NALF1: variants seen among roughly 807,000 people sequenced by gnomAD.
NALF1 encodes NALCN channel auxiliary factor 1.
In NALF1, 3 loss-of-function variants were observed where a neutral mutation model predicts 48.4. The ratio of observed to expected loss-of-function variants is 0.06; its 90% CI spans 0.03 to 0.16. The LOEUF (loss-of-function observed/expected upper bound fraction) is 0.16. Among genes scored for constraint, NALF1 ranks in the 10% least tolerant of loss-of-function variants. The probability of loss-of-function intolerance (pLI) is 1.00; values close to 1 mark genes in which losing one functional copy is unlikely to be tolerated. For missense variants in NALF1, 526 were observed against 571.5 expected (o/e 0.92, Z 0.81); for synonymous variants, 262 against 245.7 (o/e 1.07, Z -0.62).
intron 1 of NALF1, among the ~76,000 whole-genome samples, chr13:107,817,295 C>T (rs1566493647): frequency 6.6e-6 from 1 of 152,158 alleles, no homozygotes. Flanking sequence ...CAAAATCACA[C>T]ATTTTGAGTA....
chr13:107,433,376 C>T (rs893538479), intron 1 of NALF1, among the ~76,000 whole-genome samples: 2 of 152,110 alleles, frequency 1.3e-5, no homozygotes, highest in African/African-American at 4.8e-5. Flanking sequence ...GTTTAAGCTG[C>T]ATCTTCTTAA....
chr13:107,702,427 T>C (rs1040144417), intron 1 of NALF1, among the ~76,000 whole-genome samples: 1 of 152,218 alleles, frequency 6.6e-6, no homozygotes, highest in Admixed American at 6.5e-5. Flanking sequence ...TGTATTTAAA[T>C]TTATATTTAC....
At chr13:107,567,562 G>A (rs1179757917) in intron 1 of NALF1, among the ~76,000 whole-genome samples, 2 of 152,092 alleles carry the variant, frequency 1.3e-5, no homozygotes, top group Non-Finnish European at 2.9e-5. Flanking sequence ...TACAACTAAG[G>A]TAAAATTCAA....
intron 1 of NALF1, among the ~76,000 whole-genome samples, chr13:107,470,242 C>T (rs1885078301): frequency 1.3e-5 from 2 of 152,140 alleles, no homozygotes; most frequent in Admixed American, 1.3e-4. Context: ...TTTAAATTTA[C>T]TTCCTTCCTT....
chr13:107,573,741 A>G (rs1878055652), intron 1 of NALF1, among the ~76,000 whole-genome samples: 1 of 152,096 alleles, frequency 6.6e-6, no homozygotes, highest in Admixed American at 6.5e-5. Flanking sequence ...CTATGCTGTA[A>G]TCATGATAGT....
At chr13:107,274,997 T>C (rs1881251045) in intron 1 of NALF1, among the ~76,000 whole-genome samples, 1 of 152,182 alleles carries the variant, frequency 6.6e-6, no homozygotes, top group African/African-American at 2.4e-5. Context: ...TGAAAGATGT[T>C]GCTCTCCTGC....
At chr13:107,592,382 T>C (rs2138418274) in intron 1 of NALF1, among the ~76,000 whole-genome samples, 1 of 151,982 alleles carries the variant, frequency 6.6e-6, no homozygotes, top group South Asian at 2.1e-4. Flanking sequence ...AGAGGAAGAA[T>C]TCATTTAAAA....
At chr13:107,223,835 T>A (rs1014730043) in intron 1 of NALF1, among the ~76,000 whole-genome samples, 2 of 152,152 alleles carry the variant, frequency 1.3e-5, no homozygotes, top group African/African-American at 4.8e-5. Context: ...TTTGAACCCA[T>A]CCCTGCAAAT....
chr13:107,673,265 T>C (rs549901841), intron 1 of NALF1, among the ~76,000 whole-genome samples: 1 of 152,154 alleles, frequency 6.6e-6, no homozygotes, highest in South Asian at 2.1e-4. Context: ...TCAGGGGAAA[T>C]GCTTTAATGA....
rs988797784 is a variant in NALF1, at chr13:107,657,165, T to C, written c.915+208517A>G. Among the ~76,000 whole-genome samples, 8 of 136,364 alleles carry C rather than the reference T, an allele frequency of 5.9e-5. No homozygotes were observed. In the East Asian group the frequency reaches 1.5e-3, roughly 25 times the overall value. The allele number at this position is 136,364 out of a possible 152,430, so 89.5% of individuals were successfully genotyped here. ...ACAATACCTGTTCGCCAAAAACCTATTGAAATAAAAAAAAAATTAAACAAA... is the reference window on the plus strand; with the variant it reads ...ACAATACCTGTTCGCCAAAAACCTACTGAAATAAAAAAAAAATTAAACAAA... On this transcript the variant is annotated intron_variant, in intron 1 of 2. Transcript: ENST00000375915.
intron 1 of NALF1, among the ~76,000 whole-genome samples, chr13:107,692,593 A>G (rs1457833962): frequency 6.6e-6 from 1 of 152,238 alleles, no homozygotes; most frequent in Admixed American, 6.5e-5. Context: ...AGAAACCCAG[A>G]CTATGTGATT....
intron 1 of NALF1, among the ~76,000 whole-genome samples, chr13:107,614,605 T>C (rs1481295493): frequency 1.3e-5 from 2 of 152,194 alleles, no homozygotes; most frequent in Admixed American, 6.5e-5. Flanking sequence ...GTTTAAATTT[T>C]CATTAAGTAA....
chr13:107,803,167 T>C (rs982043457), intron 1 of NALF1, among the ~76,000 whole-genome samples: 3 of 152,150 alleles, frequency 2.0e-5, no homozygotes, highest in Non-Finnish European at 2.9e-5. Flanking sequence ...CTGCCCTCTC[T>C]GAAGGAAGGT....
intron 1 of NALF1, among the ~76,000 whole-genome samples, chr13:107,226,069 A>C (rs573745715): frequency 2.3e-4 from 35 of 152,216 alleles, no homozygotes; most frequent in African/African-American, 8.2e-4. Context: ...CCCTGCATAA[A>C]GGTCGTTTTC....
chr13:107,413,970 A>T (rs34096913), intron 1 of NALF1, among the ~76,000 whole-genome samples: 30,940 of 151,792 alleles, frequency 0.2, 3,561 homozygotes, highest in Middle Eastern at 0.27. Context: ...TATTTTTAGT[A>T]GCGACAGGGT....
rs74891670 is a variant in NALF1, at chr13:107,710,966, C to G, written c.915+154716G>C. Among the ~76,000 whole-genome samples the G allele has an allele frequency of 1.7e-3, 252 of 151,782 alleles. 6 individuals carry two copies. The East Asian group carries it at 0.044, about 26-fold the overall frequency. On this transcript the variant is annotated intron_variant, in intron 1 of 2. Coordinates refer to ENST00000375915, the MANE Select transcript of NALF1 (RefSeq NM_001080396.3). ...ACATACATTCCTAGTAGTTATGTAT[C>G]GATGAGTCTTATTTGCTTGGGAATG...
At chr13:107,272,028 A>G (rs921383367) in intron 1 of NALF1, among the ~76,000 whole-genome samples, 1 of 151,546 alleles carries the variant, frequency 6.6e-6, no homozygotes, top group African/African-American at 2.4e-5. Flanking sequence ...TTTAGAGAGA[A>G]AGTGTACTTC....
Position 107,700,771 on chromosome 13 carries a change from ACAACT to A in NALF1, c.915+164906_915+164910del, listed in dbSNP as rs541223198. 1.8e-3 allele frequency among the ~76,000 whole-genome samples: 270 copies of A among 152,242 alleles called. 2 individuals are homozygous for A. The highest frequency in any genetic ancestry group is 6.8e-3 in the Middle Eastern group (2 of 294). ...TATCCAAAATTTATAAAGAACTCTTACAACTCAACAGCAGAAAAGCAAAACAAAAC... is the reference window on the plus strand; with the variant it reads ...TATCCAAAATTTATAAAGAACTCTTACAACAGCAGAAAAGCAAAACAAAAC... On this transcript the variant is annotated intron_variant, in intron 1 of 2. Transcript: ENST00000375915.
chr13:107,834,119 A>G (rs79188719), intron 1 of NALF1, among the ~76,000 whole-genome samples: 14,856 of 152,234 alleles, frequency 0.098, 814 homozygotes, highest in East Asian at 0.15. Context: ...TACTAGTTAT[A>G]TAGCATTTGC....
Sources: allele counts gnomAD v4.1 joint callset (sites outside exome capture counted in the v4.1 genomes callset), GRCh38; gene constraint gnomAD v4.1.1; transcripts MANE v1.5; gene names NCBI Gene and HGNC (gene_info 2026-07-23, HGNC 2026-07-21).